The following TMEM117 variants were observed in gnomAD, a reference collection of about 807,000 sequenced individuals.
TMEM117 encodes transmembrane protein 117.
In TMEM117, 27 loss-of-function variants were observed where a neutral mutation model predicts 52.4. The observed-to-expected ratio is 0.51, with a 90% CI of 0.38 to 0.71. The LOEUF (loss-of-function observed/expected upper bound fraction) is 0.71. Among genes scored for constraint, TMEM117 ranks in the 30% least tolerant of loss-of-function variants. The pLI is 0.00. For synonymous variants in TMEM117, 215 were observed against 206.3 expected (o/e 1.04, Z -0.36); for missense variants, 556 against 630.5 (o/e 0.88, Z 1.26).
At chr12:44,317,135 G>A (rs144583309) in intron 6 of TMEM117, among the ~76,000 whole-genome samples, 1 of 149,470 alleles carries the variant, frequency 6.7e-6, no homozygotes, top group Non-Finnish European at 1.5e-5. Context: ...GAGATCTAGT[G>A]TGATCCTTTG....
At chr12:44,281,358 G>A (rs1337418052) in intron 5 of TMEM117, among the ~76,000 whole-genome samples, 1 of 151,732 alleles carries the variant, frequency 6.6e-6, no homozygotes, top group Non-Finnish European at 1.5e-5. Flanking sequence ...GTCTCTTTTA[G>A]GGGTACTTTT....
chr12:44,100,651 C>A lies in TMEM117; in HGVS notation c.411-42874C>A, dbSNP rs575994793. On this transcript the variant is annotated intron_variant, in intron 3 of 7. Transcript: ENST00000266534. The stretch of plus-strand genomic sequence containing the variant: ...ACTCCTCTCTGCCTCTTAAATTTTC[C>A]TCAAGTTATTGCTTTATCTTGTTTC... Among the ~76,000 whole-genome samples the A allele has an allele frequency of 2.6e-5, 4 of 152,104 alleles. No homozygotes were observed. In the East Asian group the frequency reaches 7.7e-4, roughly 29 times the overall value.
intron 4 of TMEM117, among the ~76,000 whole-genome samples, chr12:44,184,574 C>G (rs1949250682): frequency 6.6e-6 from 1 of 152,056 alleles, no homozygotes; most frequent in Non-Finnish European, 1.5e-5. Context: ...AAGCAGGCAG[C>G]CTCTAGAAGC....
At chr12:44,222,774 G>C (rs1482202247) in intron 5 of TMEM117, among the ~76,000 whole-genome samples, 1 of 152,120 alleles carries the variant, frequency 6.6e-6, no homozygotes, top group Non-Finnish European at 1.5e-5. Flanking sequence ...TTAGAAATTA[G>C]GAACTACCAA....
rs181787289 is a variant in TMEM117 at position 44,283,907 on chromosome 12, G to T, written c.609-15673G>T. On this transcript the variant is annotated intron_variant, in intron 5 of 7. Transcript: ENST00000266534. ...CTAGGTAATTGAATCATGGGGGCTG[G>T]TCTTTCCTGTGCTACTCTTAGGATA... Among the ~76,000 whole-genome samples the T allele has an allele frequency of 3.2e-3, 480 of 152,226 alleles. 1 individual carries two copies. Among genetic ancestry groups the T allele is most frequent in the Middle Eastern group, 6.8e-3 (2 of 294 alleles).
chr12:44,142,091 G>GCAAA (rs1486912950), intron 3 of TMEM117, among the ~76,000 whole-genome samples: 2 of 152,098 alleles, frequency 1.3e-5, no homozygotes, highest in African/African-American at 2.4e-5. Flanking sequence ...CCAGATGCTT[G>GCAAA]ACCTTAAGCA....
intron 3 of TMEM117, among the ~76,000 whole-genome samples, chr12:44,048,422 T>C (rs75524777): frequency 0.016 from 2,421 of 152,280 alleles, 48 homozygotes; most frequent in African/African-American, 0.054. Flanking sequence ...TTTTTGTAAA[T>C]TTTTGAGATG....
intron 5 of TMEM117, among the ~76,000 whole-genome samples, chr12:44,222,715 C>A (rs1949805095): frequency 6.6e-6 from 1 of 152,158 alleles, no homozygotes; most frequent in Admixed American, 6.5e-5. Context: ...ATTCTCTCCA[C>A]CTCTGTGGTC....
At chr12:44,397,029 T>C in the TMEM117 span, among the ~76,000 whole-genome samples, 1 of 152,018 alleles carries the variant, frequency 6.6e-6, no homozygotes, top group Admixed American at 6.6e-5. Context: ...GGGGTAAGAA[T>C]AGAAAATTTA....
chr12:43,840,189 G>C (rs79000675), intron 1 of TMEM117, among the ~76,000 whole-genome samples: 2,659 of 152,248 alleles, frequency 0.017, 87 homozygotes, highest in African/African-American at 0.06. Context: ...GTTGAAGCCA[G>C]GTGGCTTGGA....
At position 43,889,352 on chromosome 12, in the gene TMEM117, G is replaced by A. The variant is rs1159435820; in HGVS notation, c.277+44424G>A. Among the ~76,000 whole-genome samples, 5 of 152,246 alleles carry A rather than the reference G, an allele frequency of 3.3e-5. 1 individual carries two copies. Among genetic ancestry groups the A allele is most frequent in the Admixed American group, 3.3e-4 (5 of 15,288 alleles). On this transcript the variant is annotated intron_variant, in intron 2 of 7. Coordinates refer to ENST00000266534, the MANE Select transcript of TMEM117 (RefSeq NM_032256.3). Reference sequence around the variant, plus strand: ...CCTGCTTTGGCCTCCCAAAGTGCTGGGATTATAGGTGTGAGCCACCGAGCC... The same window carrying A: ...CCTGCTTTGGCCTCCCAAAGTGCTGAGATTATAGGTGTGAGCCACCGAGCC...
rs184770851 is a variant in TMEM117, at chr12:44,165,708, G to A, written c.510+22084G>A. ...AATTACATATGCACCTAACACTGGA[G>A]CATCCAGATACATAAAGCAATTATT... On this transcript the variant is annotated intron_variant, in intron 4 of 7. Coordinates refer to ENST00000266534, the MANE Select transcript of TMEM117 (RefSeq NM_032256.3). Among the ~76,000 whole-genome samples the A allele has an allele frequency of 1.6e-4, 24 of 152,294 alleles. 1 individual carries two copies. Among genetic ancestry groups the A allele is most frequent in the Admixed American group, 1.3e-3 (20 of 15,290 alleles).
chr12:44,363,492 G>A (rs1368558570), intron 6 of TMEM117, among the ~76,000 whole-genome samples: 1 of 152,040 alleles, frequency 6.6e-6, no homozygotes, highest in East Asian at 1.9e-4. Context: ...TATTGCATGA[G>A]CAACCAATTG....
intron 2 of TMEM117, among the ~76,000 whole-genome samples, chr12:43,918,008 G>T (rs780638949): frequency 6.6e-6 from 1 of 152,104 alleles, no homozygotes; most frequent in Non-Finnish European, 1.5e-5. Context: ...CTATTATCTG[G>T]TAGATAGGGA....
intron 2 of TMEM117, among the ~76,000 whole-genome samples, chr12:43,938,797 C>T (rs1185579350): frequency 6.6e-6 from 1 of 151,874 alleles, no homozygotes; most frequent in African/African-American, 2.4e-5. Flanking sequence ...TCAGGAGTTC[C>T]AGACCAGCCT....
intron 3 of TMEM117, among the ~76,000 whole-genome samples, chr12:44,011,196 A>C (rs1396474224): frequency 6.6e-6 from 1 of 152,160 alleles, no homozygotes; most frequent in Non-Finnish European, 1.5e-5. Context: ...CCTTTCTCTC[A>C]ACCCTTTATT....
chr12:44,148,387 T>A, intron 4 of TMEM117, among the ~76,000 whole-genome samples: 1 of 152,202 alleles, frequency 6.6e-6, no homozygotes, highest in East Asian at 1.9e-4. Flanking sequence ...AGTTGTAATT[T>A]TTGCTGAATT....
chr12:44,007,547 T>C (rs1946219039), intron 3 of TMEM117, among the ~76,000 whole-genome samples: 1 of 152,134 alleles, frequency 6.6e-6, no homozygotes, highest in Non-Finnish European at 1.5e-5. Flanking sequence ...CTCCTATCCA[T>C]AGGGGATACA....
At chr12:44,288,468 A>G (rs1950663015) in intron 5 of TMEM117, among the ~76,000 whole-genome samples, 1 of 152,184 alleles carries the variant, frequency 6.6e-6, no homozygotes, top group African/African-American at 2.4e-5. Flanking sequence ...ATGGAAGTAC[A>G]TTATAAAGCC....
Sources: allele counts gnomAD v4.1 joint callset (sites outside exome capture counted in the v4.1 genomes callset), GRCh38; gene constraint gnomAD v4.1.1; transcripts MANE v1.5; gene names NCBI Gene and HGNC (gene_info 2026-07-23, HGNC 2026-07-21).